Variants in UBR2 observed in about 807,000 individuals in gnomAD.
UBR2 encodes E3 ubiquitin-protein ligase UBR2.
UBR2 carries 92 observed loss-of-function variants against 247.9 expected under a neutral mutation model. The ratio of observed to expected loss-of-function variants is 0.37; its 90% CI spans 0.31 to 0.44. UBR2 has a LOEUF of 0.44. Among genes scored for constraint, UBR2 ranks in the 20% least tolerant of loss-of-function variants. UBR2 has a pLI of 1.00. For missense variants in UBR2, 1,613 were observed against 2,112.6 expected (o/e 0.76, Z 4.64); for synonymous variants, 672 against 693.5 (o/e 0.97, Z 0.49).
rs184785228 is a variant in UBR2 at position 42,650,414 on chromosome 6, G to A, written c.2565+28G>A. 185 of 1,565,296 alleles carry A rather than the reference G, an allele frequency of 1.2e-4. No individual in the cohort carries two copies. The East Asian group carries it at 4.0e-3, about 34-fold the overall frequency. ...AATTGGGAAAATTAAAAATGTAGCA[G>A]GGAAGGATTGCATTGTTTTTCTTAA... On this transcript the variant is annotated intron_variant, in intron 23 of 46. Coordinates refer to ENST00000372901, the MANE Select transcript of UBR2 (RefSeq NM_001363705.2).
At chr6:42,569,012 T>C (rs1161151351) in intron 1 of UBR2, among the ~76,000 whole-genome samples, 1 of 152,200 alleles carries the variant, frequency 6.6e-6, no homozygotes, top group Admixed American at 6.5e-5. Flanking sequence ...CTTTCTTTTT[T>C]ATTGCCAAAT....
intron 25 of UBR2, among the ~76,000 whole-genome samples, chr6:42,653,603 G>GC (rs1797246594): frequency 8.3e-6 from 1 of 120,088 alleles, no homozygotes; most frequent in Non-Finnish European, 1.7e-5. Context: ...TCCATGCTAA[G>GC]CCCTTTTTTT....
At position 42,576,522 on chromosome 6, in the gene UBR2, CTTTT is replaced by C. The variant is rs58739895; in HGVS notation, c.338+2551_338+2554del. On this transcript the variant is annotated intron_variant, in intron 2 of 46. Coordinates refer to ENST00000372901, the MANE Select transcript of UBR2 (RefSeq NM_001363705.2). ...TACTGGGTCACAGTGGCCTTTCCCT[CTTTT>C]TTTTTTTTTTTTTTTTTTTTTGAGA... Among the ~76,000 whole-genome samples, 615 of 86,118 alleles carry C rather than the reference CTTTT, an allele frequency of 7.1e-3. 3 individuals are homozygous for C. The highest frequency in any genetic ancestry group is 0.025 in the African/African-American group (531 of 21,240). 56.5% of individuals were successfully genotyped at this position (86,118 alleles called of 152,430 possible).
At chr6:42,668,832 C>T (rs971344998) in intron 34 of UBR2, among the ~76,000 whole-genome samples, 1 of 152,154 alleles carries the variant, frequency 6.6e-6, no homozygotes, top group Admixed American at 6.6e-5. Flanking sequence ...GCCTCAGCCT[C>T]CTGAGTAGTT....
At chr6:42,674,004 A>G in intron 37 of UBR2, 117 bp downstream of exon 37, 2 of 1,286,442 alleles carry the variant, frequency 1.6e-6, no homozygotes, top group Non-Finnish European at 2.2e-6. Flanking sequence ...GTTTTCTTAT[A>G]TATAAGCTCT....
intron 21 of UBR2, 81 bp from the exon 22 acceptor site, chr6:42,648,037 G>A: frequency 8.9e-7 from 1 of 1,123,730 alleles, no homozygotes; most frequent in Non-Finnish European, 1.3e-6. Flanking sequence ...GTTGTTATGA[G>A]GGTCAATGAG....
rs374585527 is a variant in UBR2, at chr6:42,564,367, G to C, written c.48G>C (p.Leu16Phe). The change falls in exon 1 of 47, where the codon TTG becomes TTC. Residue 16 changes from leucine to phenylalanine, a missense_variant. By Grantham distance (22) the Leu-to-Phe change is conservative. Around this residue, in one of 3 missense-constraint regions of UBR2, gnomAD observed 1,524 missense variants for 1,967.3 expected, o/e 0.77. Coordinates refer to ENST00000372901, the MANE Select transcript of UBR2 (RefSeq NM_001363705.2). ...EPEVQAIDRS[L>F]LECSAEEIAG... Reference sequence around the variant, plus strand: ...AGGTGCAGGCCATCGACCGGAGCTTGCTGGAATGTTCGGCCGAGGAGATTG... The same window carrying C: ...AGGTGCAGGCCATCGACCGGAGCTTCCTGGAATGTTCGGCCGAGGAGATTG... 1.9e-5 allele frequency: 31 copies of C among 1,611,162 alleles called. No individual in the cohort carries two copies. The highest frequency in any genetic ancestry group is 5.3e-5 in the African/African-American group (4 of 74,842).
intron 11 of UBR2, among the ~76,000 whole-genome samples, chr6:42,624,303 A>ATTT (rs34628959): frequency 7.2e-6 from 1 of 138,120 alleles, no homozygotes; most frequent in Admixed American, 7.3e-5. Flanking sequence ...CACTTGGCTA[A>ATTT]TTTTTTTTTT....
rs1426043853 is a variant in UBR2, at chr6:42,564,268, G to A, written c.-52G>A. Reference sequence around the variant, plus strand: ...CAGTCGAGGCCGCCGGGGCCGAGGTGAGGCTGCAGCTCTCCGGGCGGCGGT... The same window carrying A: ...CAGTCGAGGCCGCCGGGGCCGAGGTAAGGCTGCAGCTCTCCGGGCGGCGGT... On this transcript the variant is annotated 5_prime_UTR_variant, in exon 1 of 47. Coordinates refer to ENST00000372901, the MANE Select transcript of UBR2 (RefSeq NM_001363705.2). 6.3e-7 allele frequency: 1 copy of A among 1,579,330 alleles called. No individual in the cohort carries two copies. Among genetic ancestry groups the A allele is most frequent in the Non-Finnish European group, 8.6e-7 (1 of 1,163,944 alleles).
At chr6:42,618,222 T>C (rs1794682687) in intron 11 of UBR2, among the ~76,000 whole-genome samples, 2 of 152,164 alleles carry the variant, frequency 1.3e-5, no homozygotes, top group South Asian at 4.1e-4. Context: ...CCTGTCCTTT[T>C]CCCACACTTC....
intron 2 of UBR2, among the ~76,000 whole-genome samples, chr6:42,587,254 A>G (rs1792347046): frequency 6.6e-6 from 1 of 152,162 alleles, no homozygotes. Flanking sequence ...GCTCCCAGGG[A>G]TCTTCATTCT....
At chr6:42,619,449 A>ATTTTT (rs1422611425) in intron 11 of UBR2, 6 of 29,076 alleles carry the variant, frequency 2.1e-4, no homozygotes, top group Admixed American at 6.5e-4. Context: ...ATATATATAT[A>ATTTTT]TATATTTTTT....
chr6:42,597,624 A>G (rs977015672), intron 4 of UBR2, among the ~76,000 whole-genome samples: 1 of 151,584 alleles, frequency 6.6e-6, no homozygotes, highest in Non-Finnish European at 1.5e-5. Flanking sequence ...TTTAAGAGAA[A>G]TGAAGTCAGC....
chr6:42,622,926 C>T (rs111885412), intron 11 of UBR2, among the ~76,000 whole-genome samples: 3,534 of 151,886 alleles, frequency 0.023, 122 homozygotes, highest in African/African-American at 0.08. Flanking sequence ...CTCAGCCTCC[C>T]AAAGTACTGG....
intron 26 of UBR2, among the ~76,000 whole-genome samples, chr6:42,657,538 C>G (rs1797512899): frequency 6.6e-6 from 1 of 152,200 alleles, no homozygotes; most frequent in Non-Finnish European, 1.5e-5. Context: ...AACTTTCTGG[C>G]TACAGACTAA....
intron 11 of UBR2, among the ~76,000 whole-genome samples, chr6:42,632,047 T>C (rs1795772117): frequency 1.4e-5 from 1 of 70,214 alleles, no homozygotes; most frequent in Admixed American, 1.7e-4. Flanking sequence ...TTACATGTAT[T>C]TGCTTATTTA....
chr6:42,591,273 CTG>C (rs747604341), intron 2 of UBR2, among the ~76,000 whole-genome samples: 1 of 152,150 alleles, frequency 6.6e-6, no homozygotes, highest in Non-Finnish European at 1.5e-5. Flanking sequence ...CAGGGGATTT[CTG>C]TGTCTGTAAC....
Position 42,597,558 on chromosome 6 carries a change from C to G in UBR2, c.531+3254C>G, listed in dbSNP as rs570868193. On this transcript the variant is annotated intron_variant, in intron 4 of 46. Transcript: ENST00000372901. ...GATGCAGTGAGCCATGATTGTACCACTGCCCTCCAGCCTTGGGCGACAGAG... is the reference window on the plus strand; with the variant it reads ...GATGCAGTGAGCCATGATTGTACCAGTGCCCTCCAGCCTTGGGCGACAGAG... Among the ~76,000 whole-genome samples the G allele has an allele frequency of 2.4e-4, 37 of 151,276 alleles. No individual in the cohort carries two copies. The Middle Eastern group carries it at 0.01, about 42-fold the overall frequency.
intron 11 of UBR2, among the ~76,000 whole-genome samples, chr6:42,621,640 T>G (rs2151944189): frequency 6.6e-6 from 1 of 152,188 alleles, no homozygotes; most frequent in South Asian, 2.1e-4. Context: ...TTTTGTATTT[T>G]TAGTAGAGAT....
Sources: allele counts gnomAD v4.1 joint callset (sites outside exome capture counted in the v4.1 genomes callset), GRCh38; gene constraint gnomAD v4.1.1; regional missense constraint gnomAD v4.1.1; transcripts MANE v1.5; gene names NCBI Gene and HGNC (gene_info 2026-07-23, HGNC 2026-07-21).